ZNF454: variants seen among roughly 807,000 people sequenced by gnomAD.
ZNF454 encodes zinc finger protein 454.
A neutral mutation model predicts 48.2 loss-of-function variants in ZNF454; 30 were observed. The ratio of observed to expected loss-of-function variants is 0.62; its 90% CI spans 0.47 to 0.84. The LOEUF (loss-of-function observed/expected upper bound fraction) is 0.84, where lower values mean the gene tolerates loss of function less well. Among genes scored for constraint, ZNF454 ranks in the 40% least tolerant of loss-of-function variants. ZNF454 has a pLI of 0.00. For missense variants in ZNF454, 510 were observed against 623.1 expected (o/e 0.82, Z 1.93); for synonymous variants, 204 against 211.4 (o/e 0.97, Z 0.30).
intron 4 of ZNF454, among the ~76,000 whole-genome samples, chr5:178,958,241 A>C (rs1381045495): frequency 6.6e-6 from 1 of 152,136 alleles, no homozygotes; most frequent in East Asian, 1.9e-4. Flanking sequence ...CGTTACCAGC[A>C]CCCCTTGTAA....
chr5:178,957,454 G>C (rs1329177051), intron 4 of ZNF454, among the ~76,000 whole-genome samples: 2 of 151,000 alleles, frequency 1.3e-5, no homozygotes, highest in Non-Finnish European at 3.0e-5. Flanking sequence ...CAGTCGCCCA[G>C]GCTGGAGTGC....
chr5:178,953,985 A>G (rs1759651803), intron 4 of ZNF454, among the ~76,000 whole-genome samples: 3 of 152,100 alleles, frequency 2.0e-5, no homozygotes, highest in Non-Finnish European at 2.9e-5. Context: ...CCAACCAGGC[A>G]TGTTGGCTCA....
the ZNF454 span, chr5:178,989,530 A>ACTAGGCATGGCCAGGTGAG: frequency 8.3e-7 from 1 of 1,198,612 alleles, no homozygotes; most frequent in Admixed American, 1.7e-5. Context: ...GGCCAGGTGA[A>ACTAGGCATGGCCAGGTGAG]CTAGGCATGG....
chr5:178,966,907 C>T (rs1283046356), downstream of ZNF454, among the ~76,000 whole-genome samples: 2 of 152,228 alleles, frequency 1.3e-5, no homozygotes, highest in African/African-American at 2.4e-5. Context: ...TGACCCTCTT[C>T]TGACTTAGCA....
intron 4 of ZNF454, among the ~76,000 whole-genome samples, chr5:178,958,103 A>G (rs73334729): frequency 0.19 from 28,497 of 152,096 alleles, 2,859 homozygotes; most frequent in African/African-American, 0.26. Context: ...CTTTTTTGAA[A>G]TTTATACAGA....
chr5:178,970,407 A>C (rs529014168), downstream of ZNF454, among the ~76,000 whole-genome samples: 1 of 152,236 alleles, frequency 6.6e-6, no homozygotes, highest in African/African-American at 2.4e-5. Context: ...TGAAGGGAAA[A>C]GAACGCAAGG....
chr5:178,983,590 G>A, the ZNF454 span: 1 of 415,282 alleles, frequency 2.4e-6, no homozygotes, highest in Middle Eastern at 3.5e-4. Flanking sequence ...GATGTGGCCG[G>A]AAGCTCTGGA....
At chr5:178,964,430 T>G (rs531596753) in intron 4 of ZNF454, among the ~76,000 whole-genome samples, 15 of 152,222 alleles carry the variant, frequency 9.9e-5, no homozygotes, top group African/African-American at 3.6e-4. Flanking sequence ...ACCTGTGACT[T>G]CTAAGATCAT....
chr5:178,987,220 G>A, the ZNF454 span: 139 of 664,932 alleles, frequency 2.1e-4, 2 homozygotes, highest in South Asian at 1.0e-3. Context: ...CCTTGTGCAC[G>A]GTGGGTGGGA....
chr5:178,968,723 C>T, downstream of ZNF454: 1 of 456,224 alleles, frequency 2.2e-6, no homozygotes, highest in Non-Finnish European at 4.4e-6. Context: ...ACTACCACCC[C>T]CTTACCTTGA....
At chr5:178,982,531 C>A in the ZNF454 span, among the ~76,000 whole-genome samples, 1 of 119,228 alleles carries the variant, frequency 8.4e-6, no homozygotes, top group African/African-American at 3.2e-5. Flanking sequence ...GAGCCAAGAT[C>A]ACGCCACTGC....
At chr5:178,956,908 G>T in intron 4 of ZNF454, 1 of 332,830 alleles carries the variant, frequency 3.0e-6, no homozygotes, top group South Asian at 2.2e-5. Context: ...TTTTTTAGAT[G>T]GAGTCTCACT....
intron 4 of ZNF454, among the ~76,000 whole-genome samples, chr5:178,949,482 A>G (rs770167358): frequency 7.9e-5 from 12 of 152,202 alleles, no homozygotes; most frequent in Non-Finnish European, 1.3e-4. Context: ...AATTTCTGCT[A>G]TGATGACGTG....
chr5:178,944,469 T>C lies in ZNF454; in HGVS notation c.33+1645T>C, dbSNP rs1018939963. Among the ~76,000 whole-genome samples, 3 of 152,260 alleles carry C rather than the reference T, an allele frequency of 2.0e-5. No homozygotes were observed. The highest frequency in any genetic ancestry group is 4.8e-5 in the African/African-American group (2 of 41,464). ...GGGCTGTAAAATGTGCCAGGAATTA[T>C]GATCTGGGCTACAAATACAAAGTGA... On this transcript the variant is annotated intron_variant, in intron 2 of 4. Coordinates refer to ENST00000519564, the MANE Select transcript of ZNF454 (RefSeq NM_001178089.3). This position sits in a 1 kb window ranked among gnomAD's most constrained non-coding sequence, Gnocchi z 4.1.
chr5:178,971,485 G>C, the ZNF454 span, among the ~76,000 whole-genome samples: 1 of 152,094 alleles, frequency 6.6e-6, no homozygotes, highest in African/African-American at 2.4e-5. Flanking sequence ...GCCTGAGAGA[G>C]GAGGCCTGGC....
At chr5:178,985,651 T>TGAGATA in the ZNF454 span, 3 of 382,482 alleles carry the variant, frequency 7.8e-6, no homozygotes, top group Non-Finnish European at 1.5e-5. Context: ...TGCAGGGAGC[T>TGAGATA]GAGATAGTGC....
chr5:178,985,686 C>G, the ZNF454 span: 27,867 of 396,214 alleles, frequency 0.07, 1,296 homozygotes, highest in African/African-American at 0.15. Context: ...CTGGGCGACA[C>G]AGCGAGACTC....
At chr5:178,950,682 C>T (rs1759520050) in intron 4 of ZNF454, among the ~76,000 whole-genome samples, 2 of 152,086 alleles carry the variant, frequency 1.3e-5, no homozygotes, top group Non-Finnish European at 2.9e-5. Flanking sequence ...ATTTTTGCTA[C>T]ATCGATTGTA....
At chr5:178,969,652 TGAG>T, downstream of ZNF454, 1 of 456,724 alleles carries the variant, frequency 2.2e-6, no homozygotes. Flanking sequence ...GACCTTCACA[TGAG>T]GCCAGTCTCC....
Sources: gnomAD v4.1 joint callset for allele counts (sites outside exome capture counted in the v4.1 genomes callset) on GRCh38, gnomAD v4.1.1 for gene constraint, Gnocchi (gnomAD v3.1) non-coding constraint, MANE v1.5 for transcripts, NCBI Gene and HGNC (gene_info 2026-07-23, HGNC 2026-07-21) for gene names.